The following DCUN1D1 variants were observed in gnomAD, a reference collection of about 807,000 sequenced individuals.
DCUN1D1 encodes defective in cullin neddylation 1 domain containing 1, also known as DCN1-like protein 1.
DCUN1D1 carries 3 observed loss-of-function variants against 39.0 expected under a neutral mutation model. The ratio of observed to expected loss-of-function variants is 0.08; its 90% CI spans 0.04 to 0.20. DCUN1D1 has a LOEUF of 0.20. Among genes scored for constraint, DCUN1D1 ranks in the 10% least tolerant of loss-of-function variants. The pLI is 1.00. For synonymous variants in DCUN1D1, 82 were observed against 96.3 expected (o/e 0.85, Z 0.87); for missense variants, 158 against 302.4 (o/e 0.52, Z 3.54).
At chr3:182,980,272 C>T (rs1239025612) in intron 1 of DCUN1D1, 1 of 313,136 alleles carries the variant, frequency 3.2e-6, no homozygotes, top group East Asian at 1.7e-4. Context: ...CGCTCCGCCT[C>T]CTCGGCTCTC....
chr3:182,938,843 A>C lies in DCUN1D1; in HGVS notation c.*6251T>G, dbSNP rs966892381. On this transcript the variant is annotated 3_prime_UTR_variant, in exon 7 of 7. Transcript: ENST00000292782. ...ACTATCTGCACACAGTAATCTGTAC[A>C]AAGTTTAATTACCACCACCAGTCAG... 6.6e-6 allele frequency: 1 copy of C among 152,280 alleles called. No homozygotes were observed. Among genetic ancestry groups the C allele is most frequent in the Non-Finnish European group, 1.5e-5 (1 of 68,044 alleles). The allele number at this position is 152,280 out of a possible 1,614,324, so 9.4% of individuals were successfully genotyped here.
At chr3:182,966,417 T>C (rs1727671887) in intron 1 of DCUN1D1, among the ~76,000 whole-genome samples, 1 of 152,162 alleles carries the variant, frequency 6.6e-6, no homozygotes, top group Non-Finnish European at 1.5e-5. Flanking sequence ...AAAATAATTT[T>C]TTTTTCTTTT....
intron 4 of DCUN1D1, among the ~76,000 whole-genome samples, chr3:182,959,876 T>C (rs2108643797): frequency 6.6e-6 from 1 of 152,260 alleles, no homozygotes; most frequent in South Asian, 2.1e-4. Flanking sequence ...AACAGTGAGT[T>C]CTTGCCAGAG....
chr3:182,947,160 A>G (rs749651704), intron 6 of DCUN1D1, 78 bp downstream of exon 6: 615 of 748,592 alleles, frequency 8.2e-4, no homozygotes, highest in Non-Finnish European at 1.2e-3. Flanking sequence ...CGAGAAAAAC[A>G]AAAGTACCTA....
At chr3:182,973,191 G>C (rs1032352101) in intron 1 of DCUN1D1, among the ~76,000 whole-genome samples, 3 of 152,070 alleles carry the variant, frequency 2.0e-5, no homozygotes, top group Non-Finnish European at 4.4e-5. Context: ...TTTTTGACCT[G>C]ATAACTAAGA....
intron 1 of DCUN1D1, among the ~76,000 whole-genome samples, chr3:182,972,304 C>T (rs540384837): frequency 6.6e-6 from 1 of 151,786 alleles, no homozygotes; most frequent in Non-Finnish European, 1.5e-5. Context: ...AATACTTGTA[C>T]AGGTTATGGC....
chr3:182,947,692 TAAC>T, intron 4 of DCUN1D1, 60 bp from the exon 5 acceptor site: 1 of 1,032,882 alleles, frequency 9.7e-7, no homozygotes, highest in Non-Finnish European at 1.4e-6. Context: ...CCTGCAAAAA[TAAC>T]AAACAAACAA....
chr3:182,939,895 G>C lies in DCUN1D1; in HGVS notation c.*5199C>G, dbSNP rs73054684. The C allele has an allele frequency of 6.6e-6, 1 of 152,124 alleles. No individual in the cohort carries two copies. 9.4% of individuals were successfully genotyped at this position (152,124 alleles called of 1,614,324 possible). A position where few individuals can be genotyped will look rare whatever the true frequency, so the allele number is the denominator to read the frequency against. On this transcript the variant is annotated 3_prime_UTR_variant, in exon 7 of 7. Coordinates refer to ENST00000292782, the MANE Select transcript of DCUN1D1 (RefSeq NM_020640.4). Reference sequence around the variant, plus strand: ...AAGTCTTACAAATCACTATTTTAAAGCTCTGGTTCATAGTTCGTTCATTTG... The same window carrying C: ...AAGTCTTACAAATCACTATTTTAAACCTCTGGTTCATAGTTCGTTCATTTG...
rs372886053 is a variant in DCUN1D1 at position 182,959,344 on chromosome 3, C to G, written c.520+1882G>C. 2.4e-4 allele frequency among the ~76,000 whole-genome samples: 36 copies of G among 152,152 alleles called. No homozygotes were observed. In the East Asian group the frequency reaches 3.7e-3, roughly 15 times the overall value. The stretch of plus-strand genomic sequence containing the variant: ...GCCATACCACATTACAAAGGTTATA[C>G]ATTTATCCCTTCCTCTCTACCTTTC... On this transcript the variant is annotated intron_variant, in intron 4 of 6. Coordinates refer to ENST00000292782, the MANE Select transcript of DCUN1D1 (RefSeq NM_020640.4).
In DCUN1D1 at chr3:182,980,214, C is replaced by T. The variant is rs1242071938; in HGVS notation, c.3+273G>A. On this transcript the variant is annotated intron_variant, in intron 1 of 6. Transcript: ENST00000292782. Reference sequence around the variant, plus strand: ...GGGCCCCGGCAAGGGGCACCGGGGCCGCTCCCCGCGCCCCAAACTCCCCGG... The same window carrying T: ...GGGCCCCGGCAAGGGGCACCGGGGCTGCTCCCCGCGCCCCAAACTCCCCGG... 9 of 344,040 alleles carry T rather than the reference C, an allele frequency of 2.6e-5. 1 individual carries two copies. The highest frequency in any genetic ancestry group is 2.6e-4 in the Admixed American group (4 of 15,608). 21.3% of individuals were successfully genotyped at this position (344,040 alleles called of 1,614,324 possible). A position where few individuals can be genotyped will look rare whatever the true frequency, so the allele number is the denominator to read the frequency against.
chr3:182,946,584 T>C (rs1281751565), intron 6 of DCUN1D1, among the ~76,000 whole-genome samples: 4 of 139,252 alleles, frequency 2.9e-5, no homozygotes. Context: ...AAAAAGTCAC[T>C]GAACTTAAGG....
intron 1 of DCUN1D1, among the ~76,000 whole-genome samples, chr3:182,969,313 G>C (rs1312725740): frequency 2.0e-5 from 3 of 152,218 alleles, no homozygotes; most frequent in Non-Finnish European, 2.9e-5. Flanking sequence ...GTACCAGGCA[G>C]TGTTCTGATT....
intron 2 of DCUN1D1, among the ~76,000 whole-genome samples, chr3:182,964,372 A>G (rs1452451798): frequency 2.0e-5 from 3 of 152,228 alleles, no homozygotes. Flanking sequence ...CAAGATATCC[A>G]TATTTTGCTT....
At chr3:182,983,734 G>A (rs2108414792), upstream of DCUN1D1, among the ~76,000 whole-genome samples, 1 of 152,066 alleles carries the variant, frequency 6.6e-6, no homozygotes, top group East Asian at 1.9e-4. Context: ...AGATTCCCTA[G>A]CTAGCAAGTA....
At chr3:182,975,169 C>T (rs1728156726) in intron 1 of DCUN1D1, among the ~76,000 whole-genome samples, 1 of 151,300 alleles carries the variant, frequency 6.6e-6, no homozygotes, top group Admixed American at 6.6e-5. Flanking sequence ...AAAAAATTAA[C>T]ACAGAATTTT....
upstream of DCUN1D1, among the ~76,000 whole-genome samples, chr3:182,982,962 TCTC>T (rs1435989848): frequency 2.0e-5 from 3 of 152,154 alleles, no homozygotes; most frequent in East Asian, 5.8e-4. Context: ...CTTTATCATC[TCTC>T]CTCATCAGTA....
intron 1 of DCUN1D1, among the ~76,000 whole-genome samples, chr3:182,968,847 G>A (rs1174493385): frequency 1.3e-5 from 2 of 152,114 alleles, no homozygotes; most frequent in African/African-American, 2.4e-5. Flanking sequence ...TGATCCAACC[G>A]CCTCAGCCTC....
intron 4 of DCUN1D1, among the ~76,000 whole-genome samples, chr3:182,959,599 A>T: frequency 6.6e-6 from 1 of 151,982 alleles, no homozygotes; most frequent in Admixed American, 6.6e-5. Context: ...AATTAAGGAT[A>T]ATAAACTGCT....
chr3:182,956,533 T>C (rs368371327), intron 4 of DCUN1D1, among the ~76,000 whole-genome samples: 2 of 152,232 alleles, frequency 1.3e-5, no homozygotes, highest in African/African-American at 4.8e-5. Flanking sequence ...TCCTCATCTA[T>C]ATGATGGAGA....
Sources: gnomAD v4.1 joint callset for allele counts (sites outside exome capture counted in the v4.1 genomes callset) on GRCh38, gnomAD v4.1.1 for gene constraint, MANE v1.5 for transcripts, NCBI Gene and HGNC (gene_info 2026-07-23, HGNC 2026-07-21) for gene names.